The following GRM7 variants were observed in gnomAD, a reference collection of about 807,000 sequenced individuals.
GRM7 encodes glutamate metabotropic receptor 7.
A neutral mutation model predicts 84.5 loss-of-function variants in GRM7; 35 were observed. That is an observed-to-expected ratio of 0.41 (90% confidence interval 0.32 to 0.55). The LOEUF is 0.55. Ranked by LOEUF, GRM7 falls within the 20% of genes least tolerant of loss-of-function variation. The probability of loss-of-function intolerance (pLI) is 0.19; values close to 1 mark genes in which losing one functional copy is unlikely to be tolerated. For synonymous variants in GRM7, 487 were observed against 455.1 expected, an observed-to-expected ratio of 1.07 and a Z score of -0.89; for missense variants, 1,003 against 1,194.6, an observed-to-expected ratio of 0.84 and a Z score of 2.36.
intron 8 of GRM7, among the ~76,000 whole-genome samples, chr3:7,655,784 G>A (rs1484849011): frequency 6.6e-6 from 1 of 151,916 alleles, no homozygotes; most frequent in African/African-American, 2.4e-5. Context: ...GCTTCTAACT[G>A]GAGAAAAAAC....
chr3:7,097,622 C>G (rs111415783), intron 1 of GRM7, among the ~76,000 whole-genome samples: 13 of 152,112 alleles, frequency 8.5e-5, no homozygotes, highest in African/African-American at 3.1e-4. Context: ...TAATTTTTGA[C>G]TAAATGTGAC....
At chr3:7,691,088 CTT>C in intron 9 of GRM7, 2 of 449,990 alleles carry the variant, frequency 4.4e-6, no homozygotes, top group South Asian at 3.3e-5. Context: ...TTTAAATTAA[CTT>C]TCTCTAGGAA....
At chr3:7,418,133 C>G (rs1696248991) in intron 5 of GRM7, among the ~76,000 whole-genome samples, 1 of 152,090 alleles carries the variant, frequency 6.6e-6, no homozygotes, top group Non-Finnish European at 1.5e-5. Context: ...CCATGTCCAC[C>G]TAAAGTCTTA....
chr3:7,287,517 A>G (rs184824006), intron 2 of GRM7, among the ~76,000 whole-genome samples: 18 of 152,256 alleles, frequency 1.2e-4, no homozygotes, highest in Admixed American at 1.2e-3. Flanking sequence ...TGTGATGTTA[A>G]CTAGCATCTT....
intron 1 of GRM7, among the ~76,000 whole-genome samples, chr3:6,872,601 A>G (rs540017960): frequency 1.3e-5 from 2 of 151,908 alleles, no homozygotes; most frequent in African/African-American, 4.8e-5. Context: ...TCCTAATGCT[A>G]TCCCTCCCTT....
At chr3:7,413,853 A>G (rs537505765) in intron 4 of GRM7, among the ~76,000 whole-genome samples, 1 of 152,234 alleles carries the variant, frequency 6.6e-6, no homozygotes, top group South Asian at 2.1e-4. Flanking sequence ...TAATAATAAT[A>G]AGACTCAGAT....
intron 1 of GRM7, among the ~76,000 whole-genome samples, chr3:7,107,030 A>C (rs1294420967): frequency 6.6e-6 from 1 of 152,062 alleles, no homozygotes; most frequent in Non-Finnish European, 1.5e-5. Context: ...ATACCTTTTT[A>C]AACTCACACA....
chr3:7,643,222 C>A (rs1487309145), intron 8 of GRM7, among the ~76,000 whole-genome samples: 1 of 152,118 alleles, frequency 6.6e-6, no homozygotes, highest in Non-Finnish European at 1.5e-5. Context: ...ATTTCTCCTT[C>A]TGCCATTTAT....
chr3:7,289,585 A>T (rs1575124296), intron 2 of GRM7, among the ~76,000 whole-genome samples: 1 of 152,146 alleles, frequency 6.6e-6, no homozygotes, highest in South Asian at 2.1e-4. Context: ...ACTATTCACA[A>T]CAACAAAGAC....
At chr3:7,109,078 C>T (rs549872376) in intron 1 of GRM7, among the ~76,000 whole-genome samples, 3 of 151,976 alleles carry the variant, frequency 2.0e-5, no homozygotes, top group South Asian at 4.1e-4. Context: ...TGTCCATGGC[C>T]GAGTGCTGAG....
chr3:6,912,498 A>G (rs1425908207), intron 1 of GRM7, among the ~76,000 whole-genome samples: 1 of 152,192 alleles, frequency 6.6e-6, no homozygotes, highest in Non-Finnish European at 1.5e-5. Context: ...CAATATAGAA[A>G]TCTTCACTAT....
intron 8 of GRM7, among the ~76,000 whole-genome samples, chr3:7,649,347 C>G (rs986743269): frequency 6.6e-6 from 1 of 151,996 alleles, no homozygotes; most frequent in East Asian, 1.9e-4. Context: ...GGGATTACAG[C>G]AAAGTGCTGG....
intron 1 of GRM7, among the ~76,000 whole-genome samples, chr3:7,038,161 G>A (rs1696450062): frequency 6.6e-6 from 1 of 152,162 alleles, no homozygotes; most frequent in Non-Finnish European, 1.5e-5. Context: ...CAAAGCTGAT[G>A]CCTAGTACCC....
intron 9 of GRM7, among the ~76,000 whole-genome samples, chr3:7,730,518 C>T (rs1702290034): frequency 6.6e-6 from 1 of 152,202 alleles, no homozygotes; most frequent in East Asian, 1.9e-4. Context: ...TTCCTTGCTT[C>T]TGTGCCACTG....
chr3:6,898,778 C>T (rs1696280938), intron 1 of GRM7, among the ~76,000 whole-genome samples: 2 of 150,756 alleles, frequency 1.3e-5, no homozygotes. Flanking sequence ...GCTATGATTG[C>T]ACCTCTGCAC....
intron 7 of GRM7, among the ~76,000 whole-genome samples, chr3:7,496,491 G>GAA (rs1699706436): frequency 4.6e-5 from 7 of 152,154 alleles, no homozygotes; most frequent in Non-Finnish European, 8.8e-5. Flanking sequence ...AACTTTTCCT[G>GAA]AGTGAAAGAG....
chr3:7,359,198 C>T (rs1045554982), intron 4 of GRM7, among the ~76,000 whole-genome samples: 3 of 128,770 alleles, frequency 2.3e-5, no homozygotes, highest in Admixed American at 7.8e-5. Context: ...TTTGCCTTTA[C>T]CATTTGGTAG....
chr3:7,515,110 T>C (rs1700329005), intron 7 of GRM7, among the ~76,000 whole-genome samples: 1 of 150,882 alleles, frequency 6.6e-6, no homozygotes, highest in African/African-American at 2.4e-5. Context: ...TTGTGAGAAT[T>C]AGGAATACAC....
At chr3:7,584,354 G>C (rs928374973) in intron 8 of GRM7, among the ~76,000 whole-genome samples, 12 of 152,280 alleles carry the variant, frequency 7.9e-5, no homozygotes, top group African/African-American at 2.9e-4. Flanking sequence ...AAGCTGAAAT[G>C]CCTGTTCTAC....
Sources: allele counts gnomAD v4.1 joint callset (sites outside exome capture counted in the v4.1 genomes callset), GRCh38; gene constraint gnomAD v4.1.1; transcripts MANE v1.5; gene names NCBI Gene and HGNC (gene_info 2026-07-23, HGNC 2026-07-21).